ATPAF1: variants seen among roughly 807,000 people sequenced by gnomAD.
ATPAF1 encodes homolog of yeast ATP11.
In ATPAF1, 26 loss-of-function variants were observed where a neutral mutation model predicts 43.9. That is an observed-to-expected ratio of 0.59 (90% CI 0.43 to 0.82). The LOEUF is 0.82. ATPAF1 is among the 40% of genes least tolerant of loss of function. The pLI is 0.00. For synonymous variants in ATPAF1, 157 were observed against 168.0 expected (o/e 0.93, Z 0.50); for missense variants, 366 against 435.0 (o/e 0.84, Z 1.41).
chr1:46,640,421 C>A (rs1675928388), intron 8 of ATPAF1, among the ~76,000 whole-genome samples: 1 of 152,108 alleles, frequency 6.6e-6, no homozygotes, highest in Non-Finnish European at 1.5e-5. Context: ...ACCAGCCTGG[C>A]CAACATGGTG....
chr1:46,659,105 C>T (rs1001799976), intron 2 of ATPAF1, among the ~76,000 whole-genome samples: 15 of 151,938 alleles, frequency 9.9e-5, no homozygotes, highest in African/African-American at 3.6e-4. Context: ...GCAGGAGAAC[C>T]GCTTGAACCC....
intron 2 of ATPAF1, chr1:46,664,865 T>G (rs532911183): frequency 5.6e-6 from 1 of 179,124 alleles, no homozygotes; most frequent in African/African-American, 2.4e-5. Flanking sequence ...AAAAATTTGA[T>G]GACCCCTGCT....
chr1:46,648,569 C>T (rs533205370), intron 6 of ATPAF1, among the ~76,000 whole-genome samples: 2 of 152,132 alleles, frequency 1.3e-5, no homozygotes, highest in Admixed American at 6.5e-5. Context: ...CAAGGTCTCA[C>T]TATATTGCCC....
At chr1:46,640,284 G>A (rs1190660006) in intron 8 of ATPAF1, among the ~76,000 whole-genome samples, 1 of 152,064 alleles carries the variant, frequency 6.6e-6, no homozygotes, top group East Asian at 1.9e-4. Context: ...AATAGTTTTT[G>A]TTATTAAATA....
intron 6 of ATPAF1, 114 bp downstream of exon 6, chr1:46,652,467 A>C: frequency 9.7e-7 from 1 of 1,027,360 alleles, no homozygotes; most frequent in Non-Finnish European, 1.4e-6. Flanking sequence ...CATCTTTATT[A>C]AGTAAACAGA....
At chr1:46,668,418 C>A, upstream of ATPAF1, 1 of 1,173,332 alleles carries the variant, frequency 8.5e-7, no homozygotes, top group Non-Finnish European at 1.1e-6. The surrounding 1 kb of genome is among the most constrained non-coding windows in gnomAD (Gnocchi z 4.4). Context: ...CGCGCCCGCG[C>A]TCCGGCACCG....
At chr1:46,654,716 G>T (rs1199353547) in intron 4 of ATPAF1, among the ~76,000 whole-genome samples, 1 of 151,692 alleles carries the variant, frequency 6.6e-6, no homozygotes, top group Non-Finnish European at 1.5e-5. Context: ...ACAGGCCCCA[G>T]TGTGTGGTGT....
chr1:46,652,625 C>T, exon 6 of ATPAF1: 1 of 1,612,814 alleles, frequency 6.2e-7, no homozygotes, highest in Non-Finnish European at 8.5e-7. Context: ...TCAAACTTTT[C>T]TGCCTGTAGG....
At chr1:46,641,606 C>T (rs1468261090) in intron 8 of ATPAF1, among the ~76,000 whole-genome samples, 1 of 152,106 alleles carries the variant, frequency 6.6e-6, no homozygotes, top group African/African-American at 2.4e-5. Context: ...TTATAAGGCC[C>T]CCAGTGACTT....
intron 8 of ATPAF1, among the ~76,000 whole-genome samples, chr1:46,639,837 A>C (rs1433941521): frequency 2.0e-5 from 3 of 152,236 alleles, no homozygotes; most frequent in African/African-American, 7.2e-5. Flanking sequence ...TCAAATGTTA[A>C]AAGGCCAGGA....
chr1:46,663,396 C>A (rs1366358484), intron 2 of ATPAF1, among the ~76,000 whole-genome samples: 2 of 152,202 alleles, frequency 1.3e-5, no homozygotes. Flanking sequence ...TACAGTCCCA[C>A]CAACAGTGTA....
At chr1:46,639,470 C>T (rs191407978) in intron 8 of ATPAF1, among the ~76,000 whole-genome samples, 18 of 152,296 alleles carry the variant, frequency 1.2e-4, no homozygotes, top group Non-Finnish European at 2.4e-4. Flanking sequence ...CATGTCTATC[C>T]TAGCACTTAC....
intron 8 of ATPAF1, 140 bp downstream of exon 8, chr1:46,643,054 C>T: frequency 1.5e-6 from 1 of 685,174 alleles, no homozygotes; most frequent in African/African-American, 1.8e-5. Flanking sequence ...AGCAAGACAA[C>T]TTCACTGTCA....
intron 6 of ATPAF1, among the ~76,000 whole-genome samples, chr1:46,648,107 AATTT>A (rs1676076709): frequency 6.6e-6 from 1 of 152,030 alleles, no homozygotes; most frequent in Non-Finnish European, 1.5e-5. Context: ...GATGAAATCT[AATTT>A]ATTTATTATT....
At chr1:46,633,807 T>C (rs1393372181), downstream of ATPAF1, 21 of 456,140 alleles carry the variant, frequency 4.6e-5, no homozygotes, top group Middle Eastern at 3.2e-4. Flanking sequence ...ATGTACTATG[T>C]ATGGCTAATA....
rs541721837 is a variant in ATPAF1, at chr1:46,662,164, C to G, written c.375+3092G>C. ...CCGCCTTGGCCTCCCAAAGTGCTGG[C>G]ATTACAGGCGTGAGCCACCACGCCC... is the stretch of plus-strand genomic sequence containing the variant. On this transcript the variant is annotated intron_variant, in intron 2 of 8. Transcript: ENST00000574428. 3.3e-5 allele frequency among the ~76,000 whole-genome samples: 5 copies of G among 152,020 alleles called. No individual in the cohort carries two copies. In the East Asian group the frequency reaches 5.8e-4, roughly 18 times the overall value.
chr1:46,668,246 A>G lies in ATPAF1; in HGVS notation c.77T>C (p.Leu26Pro). The change falls in exon 1 of 9, where the codon CTG becomes CCG. Residue 26 changes from leucine (L) to proline (P), a missense_variant. Around this residue, in one of 2 missense-constraint regions of ATPAF1, gnomAD observed 186 missense variants for 168.5 expected, o/e 1.10. Transcript: ENST00000574428. The surrounding 1 kb of genome is among the most constrained non-coding windows in gnomAD (Gnocchi z 4.4). ...CAGGGCGCGGCTGCGCACCGCGCACAGGCCCCGGTAGAGACCGGCCACCTG... is the reference window on the plus strand; with the variant it reads ...CAGGGCGCGGCTGCGCACCGCGCACGGGCCCCGGTAGAGACCGGCCACCTG... The G allele has an allele frequency of 7.3e-7, 1 of 1,363,302 alleles. No individual in the cohort carries two copies. The highest frequency in any genetic ancestry group is 9.5e-7 in the Non-Finnish European group (1 of 1,054,988). The allele number at this position is 1,363,302 out of a possible 1,614,324, so 84.5% of individuals were successfully genotyped here.
Position 46,658,187 on chromosome 1 carries a change from A to AG in ATPAF1, c.428dup (p.Leu144SerfsTer6), listed in dbSNP as rs1250206715. ...TCTCAATGTTAAAGATTGAACTGAGAGTCTTGAAAGAGACAATAAAAAGCA... is the reference window on the plus strand; with the variant it reads ...TCTCAATGTTAAAGATTGAACTGAGAGGTCTTGAAAGAGACAATAAAAAGCA... On this transcript the variant is annotated frameshift_variant and splice_region_variant, in exon 4 of 9. Transcript: ENST00000574428. LOFTEE classifies it high-confidence loss of function. 1 of 1,592,464 alleles carries AG rather than the reference A, an allele frequency of 6.3e-7. No individual in the cohort carries two copies. Among genetic ancestry groups the AG allele is most frequent in the Non-Finnish European group, 8.6e-7 (1 of 1,168,852 alleles).
intron 1 of ATPAF1, chr1:46,665,861 T>C: frequency 1.4e-6 from 2 of 1,421,606 alleles, no homozygotes; most frequent in East Asian, 5.2e-5. Flanking sequence ...CATCTGAGTA[T>C]CTCCCTAACC....
Sources: allele counts gnomAD v4.1 joint callset (sites outside exome capture counted in the v4.1 genomes callset), GRCh38; gene constraint gnomAD v4.1.1; regional missense constraint gnomAD v4.1.1; non-coding constraint Gnocchi (gnomAD v3.1); transcripts MANE v1.5; gene names NCBI Gene and HGNC (gene_info 2026-07-23, HGNC 2026-07-21).